BAZ1A: variants seen among roughly 807,000 people sequenced by gnomAD.
The protein encoded by BAZ1A is bromodomain adjacent to zinc finger domain 1A.
A neutral mutation model predicts 185.2 loss-of-function variants in BAZ1A; 50 were observed. The ratio of observed to expected loss-of-function variants is 0.27; its 90% CI spans 0.22 to 0.34. BAZ1A has a LOEUF of 0.34. Ranked by LOEUF, BAZ1A falls within the 10% of genes least tolerant of loss-of-function variation. BAZ1A has a pLI of 1.00. For synonymous variants in BAZ1A, 571 were observed against 615.6 expected, an observed-to-expected ratio of 0.93 and a Z score of 1.07; for missense variants, 1,356 against 1,839.9, an observed-to-expected ratio of 0.74 and a Z score of 4.81.
intron 3 of BAZ1A, among the ~76,000 whole-genome samples, chr14:34,852,372 A>G (rs913980328): frequency 1.3e-5 from 2 of 152,208 alleles, no homozygotes; most frequent in African/African-American, 4.8e-5. Context: ...TAATCCCAGC[A>G]CTTTGGAAGG....
chr14:34,785,993 A>C lies in BAZ1A; in HGVS notation c.1615T>G (p.Leu539Val). ...AWPQLHQGCS[L>V]KSLDLDSCTL... ...CAGCTATCAAGATCCAAACTTTTCA[A>C]ACTGCAGCCTATAGTTGTTAAAAAT... The change falls in exon 14 of 27, where the codon TTG (leucine) becomes GTG (valine). Residue 539 changes from leucine to valine, a missense_variant. Around this residue, in one of 7 missense-constraint regions of BAZ1A, gnomAD observed 184 missense variants for 355.1 expected, o/e 0.52. Transcript: ENST00000360310. 6.2e-7 allele frequency: 1 copy of C among 1,613,978 alleles called. No homozygotes were observed. Among genetic ancestry groups the C allele is most frequent in the Non-Finnish European group, 8.5e-7 (1 of 1,179,904 alleles).
chr14:34,860,413 T>C (rs2042748635), intron 3 of BAZ1A, among the ~76,000 whole-genome samples: 1 of 142,958 alleles, frequency 7.0e-6, no homozygotes, highest in Non-Finnish European at 1.5e-5. Context: ...GAGGCTGAGG[T>C]GGGAGGATGG....
intron 3 of BAZ1A, among the ~76,000 whole-genome samples, chr14:34,856,889 G>A (rs2042689824): frequency 6.8e-6 from 1 of 146,996 alleles, no homozygotes; most frequent in African/African-American, 2.5e-5. Context: ...AGTCACTTAT[G>A]AGTAACACAA....
intron 6 of BAZ1A, among the ~76,000 whole-genome samples, chr14:34,803,704 A>T (rs1418030334): frequency 6.6e-6 from 1 of 152,204 alleles, no homozygotes; most frequent in African/African-American, 2.4e-5. Context: ...TACTGTATTA[A>T]CCTGATAAAT....
intron 4 of BAZ1A, chr14:34,816,732 G>A: frequency 2.9e-6 from 1 of 339,024 alleles, no homozygotes; most frequent in Non-Finnish European, 6.0e-6. Flanking sequence ...TGGCACATCT[G>A]GCTACTAAAA....
chr14:34,759,187 T>G (rs1312001962), intron 24 of BAZ1A, among the ~76,000 whole-genome samples: 1,571 of 137,166 alleles, frequency 0.011, 103 homozygotes, highest in African/African-American at 0.041. Context: ...TTTTTTTTTT[T>G]TTTTTTTTTT....
intron 16 of BAZ1A, 35 bp from the exon 17 acceptor site, chr14:34,780,345 G>T: frequency 6.3e-7 from 1 of 1,574,838 alleles, no homozygotes; most frequent in Non-Finnish European, 8.6e-7. Context: ...ATTTACTAAT[G>T]AATATATAAT....
intron 26 of BAZ1A, among the ~76,000 whole-genome samples, chr14:34,753,928 G>A (rs1886126987): frequency 6.7e-6 from 1 of 150,090 alleles, no homozygotes; most frequent in South Asian, 2.1e-4. Flanking sequence ...GACCATCCTG[G>A]GCAATATAGC....
chr14:34,756,749 G>A (rs1195889839), intron 25 of BAZ1A, among the ~76,000 whole-genome samples: 4 of 152,036 alleles, frequency 2.6e-5, no homozygotes, highest in Non-Finnish European at 5.9e-5. Context: ...ACAGGTGTGA[G>A]CCACTACGCC....
At chr14:34,836,097 A>AACTGAGACACATGCAGAATTTCTACAG (rs1594888907) in intron 3 of BAZ1A, among the ~76,000 whole-genome samples, 8 of 97,358 alleles carry the variant, frequency 8.2e-5, no homozygotes, top group Admixed American at 2.2e-4. Context: ...AACTTTCTAT[A>AACTGAGACACATGCAGAATTTCTACAG]GGCCGGGCGC....
chr14:34,818,084 A>G (rs903419256), intron 4 of BAZ1A, among the ~76,000 whole-genome samples: 3 of 152,240 alleles, frequency 2.0e-5, no homozygotes, highest in African/African-American at 7.2e-5. Flanking sequence ...GGTGGAAACA[A>G]TCCAAATACC....
intron 2 of BAZ1A, among the ~76,000 whole-genome samples, chr14:34,863,416 A>G (rs2042804672): frequency 6.7e-6 from 1 of 148,296 alleles, no homozygotes; most frequent in East Asian, 2.0e-4. Context: ...GCCTGCCTCA[A>G]CCTCCCAAAG....
chr14:34,770,272 G>A (rs139100245), intron 21 of BAZ1A, among the ~76,000 whole-genome samples: 3,234 of 152,184 alleles, frequency 0.021, 131 homozygotes, highest in African/African-American at 0.074. Flanking sequence ...TCCTGCCTCA[G>A]CCTCCCAAGT....
chr14:34,860,537 C>CA (rs377519796), intron 3 of BAZ1A, among the ~76,000 whole-genome samples: 4,937 of 88,116 alleles, frequency 0.056, 173 homozygotes, highest in East Asian at 0.22. Flanking sequence ...AAAAAAAAAG[C>CA]AAAAAAAAAA....
intron 16 of BAZ1A, 84 bp downstream of exon 16, chr14:34,783,035 T>C: frequency 9.3e-7 from 1 of 1,080,476 alleles, no homozygotes; most frequent in South Asian, 1.4e-5. Context: ...TCTAAAAATG[T>C]GAAAGCATTT....
At chr14:34,870,413 C>A (rs1029679034) in intron 2 of BAZ1A, among the ~76,000 whole-genome samples, 1 of 152,152 alleles carries the variant, frequency 6.6e-6, no homozygotes, top group Non-Finnish European at 1.5e-5. Context: ...CCATGCTCAC[C>A]AAATAGCCTT....
chr14:34,874,361 G>T lies in BAZ1A; in HGVS notation c.113+131C>A, dbSNP rs1374502943. On this transcript the variant is annotated intron_variant, in intron 2 of 26. Coordinates refer to ENST00000360310, the MANE Select transcript of BAZ1A (RefSeq NM_013448.3). This position sits in a 1 kb window ranked among gnomAD's most constrained non-coding sequence, Gnocchi z 4.7. ...GAGGCCAGGAGGCAGAGAACCGCGGGCCCGGGGGCCACCCGTCACTTTCAA... is the reference window on the plus strand; with the variant it reads ...GAGGCCAGGAGGCAGAGAACCGCGGTCCCGGGGGCCACCCGTCACTTTCAA... 8 of 872,104 alleles carry T rather than the reference G, an allele frequency of 9.2e-6. No homozygotes were observed. 54.0% of individuals were successfully genotyped at this position (872,104 alleles called of 1,614,324 possible).
At chr14:34,757,000 T>C (rs2138525234) in intron 25 of BAZ1A, among the ~76,000 whole-genome samples, 1 of 152,324 alleles carries the variant, frequency 6.6e-6, no homozygotes, top group African/African-American at 2.4e-5. Flanking sequence ...GGTACTCAAT[T>C]AACTCTATTC....
In BAZ1A at chr14:34,875,298, C is replaced by T. The variant is rs1199620355; in HGVS notation, c.-219G>A. 2 of 455,790 alleles carry T rather than the reference C, an allele frequency of 4.4e-6. No individual in the cohort carries two copies. The highest frequency in any genetic ancestry group is 8.8e-6 in the Non-Finnish European group (2 of 226,732). 28.2% of individuals were successfully genotyped at this position (455,790 alleles called of 1,614,324 possible). On this transcript the variant is annotated 5_prime_UTR_variant, in exon 1 of 27. Transcript: ENST00000360310. ...CGACTCCGCGCGGGGAATTGCGTCC[C>T]ACCGCCACTTCCCCGCCTCTCGGAG... is the stretch of plus-strand genomic sequence containing the variant.
Sources: allele counts gnomAD v4.1 joint callset (sites outside exome capture counted in the v4.1 genomes callset), GRCh38; gene constraint gnomAD v4.1.1; regional missense constraint gnomAD v4.1.1; non-coding constraint Gnocchi (gnomAD v3.1); transcripts MANE v1.5; gene names NCBI Gene and HGNC (gene_info 2026-07-23, HGNC 2026-07-21).